NFIX: variants seen among roughly 807,000 people sequenced by gnomAD.
NFIX encodes the protein nuclear factor 1 X-type.
Under a neutral mutation model 53.3 loss-of-function variants are expected in NFIX, and 2 were observed. That is an observed-to-expected ratio of 0.04 (90% CI 0.02 to 0.12). The LOEUF (loss-of-function observed/expected upper bound fraction) is 0.12. Among genes scored for constraint, NFIX ranks in the 10% least tolerant of loss-of-function variants. NFIX has a pLI of 1.00. For synonymous variants in NFIX, 244 were observed against 289.0 expected, an observed-to-expected ratio of 0.84 and a Z score of 1.58; for missense variants, 310 against 674.5, an observed-to-expected ratio of 0.46 and a Z score of 5.99.
Position 13,013,296 on chromosome 19 carries a change from G to A in NFIX, c.28-11725G>A, listed in dbSNP as rs1166781640. Among the ~76,000 whole-genome samples the A allele has an allele frequency of 6.6e-6, 1 of 152,170 alleles. No homozygotes were observed. Among genetic ancestry groups the A allele is most frequent in the Non-Finnish European group, 1.5e-5 (1 of 68,032 alleles). On this transcript the variant is annotated intron_variant, in intron 1 of 10. Transcript: ENST00000592199. The surrounding 1 kb of genome is among the most constrained non-coding windows in gnomAD (Gnocchi z 5.9). The stretch of plus-strand genomic sequence containing the variant: ...TAACCTGTTGGTGGAGGAGGAAGCT[G>A]GCGTCGGGCTGAAGTCCCCCGAGCC...
Position 13,067,463 on chromosome 19 carries a change from C to T in NFIX, c.560-5584C>T, listed in dbSNP as rs527363839. Among the ~76,000 whole-genome samples, 83 of 131,090 alleles carry T rather than the reference C, an allele frequency of 6.3e-4. No individual in the cohort carries two copies. Among genetic ancestry groups the T allele is most frequent in the Middle Eastern group, 4.1e-3 (1 of 246 alleles). The allele number at this position is 131,090 out of a possible 152,430, so 86.0% of individuals were successfully genotyped here. The stretch of plus-strand genomic sequence containing the variant: ...AGTGGCACCTCCGTGTGTGTGCGCG[C>T]GTGTGTGTGTGTGTGTGTGCGTGTG... On this transcript the variant is annotated intron_variant, in intron 2 of 10. Coordinates refer to ENST00000592199, the MANE Select transcript of NFIX (RefSeq NM_001365902.3). This position sits in a 1 kb window ranked among gnomAD's most constrained non-coding sequence, Gnocchi z 4.2.
rs2145409755 is a variant in NFIX at position 13,068,441 on chromosome 19, G to T, written c.560-4606G>T. ...CCAGGGGCTGAGAAGGGGAGCTGGTGTGGGTGTGAGAAGGGCAATTTTGCA... is the reference window on the plus strand; with the variant it reads ...CCAGGGGCTGAGAAGGGGAGCTGGTTTGGGTGTGAGAAGGGCAATTTTGCA... On this transcript the variant is annotated intron_variant, in intron 2 of 10. Transcript: ENST00000592199. This position sits in a 1 kb window ranked among gnomAD's most constrained non-coding sequence, Gnocchi z 4.2. 6.6e-6 allele frequency among the ~76,000 whole-genome samples: 1 copy of T among 152,364 alleles called. No individual in the cohort carries two copies. The highest frequency in any genetic ancestry group is 1.9e-4 in the East Asian group (1 of 5,184).
At chr19:13,056,471 C>A (rs1263619041) in intron 2 of NFIX, among the ~76,000 whole-genome samples, 3 of 152,194 alleles carry the variant, frequency 2.0e-5, no homozygotes. Flanking sequence ...GGCCCACCCA[C>A]CCGGTGGTAT....
chr19:13,075,754 C>CAGTTGT, intron 6 of NFIX, 83 bp downstream of exon 6: 1 of 1,483,030 alleles, frequency 6.7e-7, no homozygotes, highest in Non-Finnish European at 9.1e-7. Context: ...GGTGAGCCTC[C>CAGTTGT]CACCAGTTGT....
At position 13,093,635 on chromosome 19, in the gene NFIX, G is replaced by A. The variant is rs945785432; in HGVS notation, c.1495-1000G>A. 2.0e-5 allele frequency among the ~76,000 whole-genome samples: 3 copies of A among 152,238 alleles called. No individual in the cohort carries two copies. The highest frequency in any genetic ancestry group is 2.0e-4 in the Admixed American group (3 of 15,288). On this transcript the variant is annotated intron_variant, in intron 10 of 10. Coordinates refer to ENST00000592199, the MANE Select transcript of NFIX (RefSeq NM_001365902.3). The surrounding 1 kb of genome is among the most constrained non-coding windows in gnomAD (Gnocchi z 4.7). ...TAGCTTCCTGGTGGGGTCAGGGCAG[G>A]GGTGGAGTGAACCAGGACCTGGTAT...
chr19:13,072,172 A>G lies in NFIX; in HGVS notation c.560-875A>G, dbSNP rs1432302243. ...CGCCAGCTGTCATGCCCAGGCAGGC[A>G]TTCTGGAGGTCCCCGTTGTGCCCCT... On this transcript the variant is annotated intron_variant, in intron 2 of 10. Coordinates refer to ENST00000592199, the MANE Select transcript of NFIX (RefSeq NM_001365902.3). The surrounding 1 kb of genome is among the most constrained non-coding windows in gnomAD (Gnocchi z 4.0). 6.6e-6 allele frequency among the ~76,000 whole-genome samples: 1 copy of G among 152,172 alleles called. No homozygotes were observed. The highest frequency in any genetic ancestry group is 1.5e-5 in the Non-Finnish European group (1 of 68,032).
chr19:13,041,059 C>T (rs759955735), intron 2 of NFIX, among the ~76,000 whole-genome samples: 4 of 152,192 alleles, frequency 2.6e-5, no homozygotes, highest in Non-Finnish European at 4.4e-5. Context: ...CCACCAGGCA[C>T]CCGGTCTTGG....
chr19:13,027,450 C>T lies in NFIX; in HGVS notation c.559+1898C>T, dbSNP rs540887648. ...CTGGTGGCTTGCAGAAGGCTCGGAG[C>T]CTCGAGCTTACCAGTGTGGCCATCA... On this transcript the variant is annotated intron_variant, in intron 2 of 10. Coordinates refer to ENST00000592199, the MANE Select transcript of NFIX (RefSeq NM_001365902.3). This position sits in a 1 kb window ranked among gnomAD's most constrained non-coding sequence, Gnocchi z 4.3. Among the ~76,000 whole-genome samples the T allele has an allele frequency of 5.3e-5, 8 of 152,244 alleles. No individual in the cohort carries two copies. The highest frequency in any genetic ancestry group is 1.9e-4 in the African/African-American group (8 of 41,524).
rs2016519808 is a variant in NFIX at position 13,067,835 on chromosome 19, G to A, written c.560-5212G>A. On this transcript the variant is annotated intron_variant, in intron 2 of 10. Coordinates refer to ENST00000592199, the MANE Select transcript of NFIX (RefSeq NM_001365902.3). The surrounding 1 kb of genome is among the most constrained non-coding windows in gnomAD (Gnocchi z 4.2). ...TATTAAAAACATGCATCCGGGCACG[G>A]TGGCTCACGCCTGTAATCCCAGCAC... 6.6e-6 allele frequency among the ~76,000 whole-genome samples: 1 copy of A among 152,064 alleles called. No homozygotes were observed. Among genetic ancestry groups the A allele is most frequent in the Non-Finnish European group, 1.5e-5 (1 of 68,020 alleles).
At chr19:13,029,687 C>T (rs373130585) in intron 2 of NFIX, among the ~76,000 whole-genome samples, 20 of 152,144 alleles carry the variant, frequency 1.3e-4, no homozygotes, top group South Asian at 6.2e-4. Context: ...CTTCAGGTCC[C>T]GGGACAGCTG....
At position 12,995,804 on chromosome 19, in the gene NFIX, G is replaced by A; in HGVS notation, c.-34G>A. 1 of 981,352 alleles carries A rather than the reference G, an allele frequency of 1.0e-6. No individual in the cohort carries two copies. Among genetic ancestry groups the A allele is most frequent in the Non-Finnish European group, 1.2e-6 (1 of 827,830 alleles). 60.8% of individuals were successfully genotyped at this position (981,352 alleles called of 1,614,324 possible). On this transcript the variant is annotated 5_prime_UTR_variant, in exon 1 of 11. Coordinates refer to ENST00000592199, the MANE Select transcript of NFIX (RefSeq NM_001365902.3). ...GCCTGCCGGGCCTCCCCTCGCCGCG[G>A]CCGGCCGCCGCGCTCCCGCCCGGGC...
rs139534596 is a variant in NFIX at position 13,009,633 on chromosome 19, C to T, written c.27+13769C>T. On this transcript the variant is annotated intron_variant, in intron 1 of 10. Transcript: ENST00000592199. This position sits in a 1 kb window ranked among gnomAD's most constrained non-coding sequence, Gnocchi z 4.7. ...AGGAGGAAGAGGCTTCCTGATTCCC[C>T]GCTTAAGGGTGTTCAAACTGTCTGC... Among the ~76,000 whole-genome samples the T allele has an allele frequency of 1.0e-3, 157 of 152,328 alleles. 1 individual carries two copies. The highest frequency in any genetic ancestry group is 3.4e-3 in the African/African-American group (143 of 41,564).
intron 2 of NFIX, among the ~76,000 whole-genome samples, chr19:13,054,023 G>A (rs1029869277): frequency 5.9e-5 from 9 of 152,176 alleles, no homozygotes; most frequent in Non-Finnish European, 2.9e-5. Context: ...TGTTTCCTGA[G>A]CACGGATCCC....
At chr19:13,016,269 A>G (rs975410762) in intron 1 of NFIX, among the ~76,000 whole-genome samples, 2 of 152,212 alleles carry the variant, frequency 1.3e-5, no homozygotes, top group Admixed American at 6.5e-5. Context: ...CCTTCCTGCT[A>G]GGAATGGTGG....
chr19:13,055,662 G>C (rs528364516), intron 2 of NFIX, among the ~76,000 whole-genome samples: 25 of 152,260 alleles, frequency 1.6e-4, no homozygotes, highest in African/African-American at 5.8e-4. Flanking sequence ...GAGCCCATCT[G>C]CTCGCCCCGG....
intron 1 of NFIX, among the ~76,000 whole-genome samples, chr19:13,023,249 C>G (rs1315407998): frequency 6.6e-6 from 1 of 151,700 alleles, no homozygotes; most frequent in Non-Finnish European, 1.5e-5. Flanking sequence ...CGCACACACA[C>G]GCGCACACTC....
Position 13,052,235 on chromosome 19 carries a change from G to C in NFIX, c.560-20812G>C, listed in dbSNP as rs2015375025. On this transcript the variant is annotated intron_variant, in intron 2 of 10. Coordinates refer to ENST00000592199, the MANE Select transcript of NFIX (RefSeq NM_001365902.3). This position sits in a 1 kb window ranked among gnomAD's most constrained non-coding sequence, Gnocchi z 5.2. ...TTCCACCTAGTACCCAGGTGCTGTT[G>C]GTCCTCCAGGCTTTCCCCCTGCCTC... Among the ~76,000 whole-genome samples, 1 of 152,140 alleles carries C rather than the reference G, an allele frequency of 6.6e-6. No individual in the cohort carries two copies. Among genetic ancestry groups the C allele is most frequent in the Non-Finnish European group, 1.5e-5 (1 of 68,020 alleles).
chr19:13,083,811 C>T (rs1371582158), intron 8 of NFIX, among the ~76,000 whole-genome samples: 10 of 152,216 alleles, frequency 6.6e-5, no homozygotes. Context: ...CTAGAGACAG[C>T]ACTGTGCTAC....
At chr19:13,059,184 C>T (rs1000739595) in intron 2 of NFIX, among the ~76,000 whole-genome samples, 1 of 152,192 alleles carries the variant, frequency 6.6e-6, no homozygotes, top group Non-Finnish European at 1.5e-5. Context: ...TGGGGTTTGG[C>T]AGGACATTGT....
Sources: allele counts gnomAD v4.1 joint callset (sites outside exome capture counted in the v4.1 genomes callset), GRCh38; gene constraint gnomAD v4.1.1; non-coding constraint Gnocchi (gnomAD v3.1); transcripts MANE v1.5; gene names NCBI Gene and HGNC (gene_info 2026-07-23, HGNC 2026-07-21).